The following PCDHGB7 variants were observed in gnomAD, a reference collection of about 807,000 sequenced individuals.
The protein encoded by PCDHGB7 is protocadherin gamma subfamily B, 7, also known as protocadherin gamma-B7.
PCDHGB7 carries 37 observed loss-of-function variants against 61.4 expected under a neutral mutation model. The observed-to-expected ratio is 0.60, with a 90% CI of 0.46 to 0.79. PCDHGB7 has a LOEUF of 0.79. Ranked by LOEUF, PCDHGB7 falls within the 30% of genes least tolerant of loss-of-function variation. PCDHGB7 has a pLI of 0.00. For missense variants in PCDHGB7, 1,166 were observed against 1,202.5 expected (o/e 0.97, Z 0.45); for synonymous variants, 464 against 503.5 (o/e 0.92, Z 1.05).
In PCDHGB7 at chr5:141,487,883, G is replaced by A; in HGVS notation, c.2416-6924G>A. ...GGTGATCAAGAGCCAGGCTGTTGTG[G>A]AAGCATGATGATGGAATGTGGGAGC... is the stretch of plus-strand genomic sequence containing the variant. On this transcript the variant is annotated intron_variant, in intron 1 of 3. Transcript: ENST00000398594. This position sits in a 1 kb window ranked among gnomAD's most constrained non-coding sequence, Gnocchi z 5.0. The A allele has an allele frequency of 1.3e-6, 1 of 766,586 alleles. No homozygotes were observed. The highest frequency in any genetic ancestry group is 1.8e-5 in the South Asian group (1 of 55,094). 47.5% of individuals were successfully genotyped at this position (766,586 alleles called of 1,614,324 possible).
At position 141,417,792 on chromosome 5, in the gene PCDHGB7, T is replaced by C; in HGVS notation, c.-68T>C. The C allele has an allele frequency of 6.7e-7, 1 of 1,483,216 alleles. No homozygotes were observed. Among genetic ancestry groups the C allele is most frequent in the South Asian group, 1.4e-5 (1 of 72,714 alleles). The allele number at this position is 1,483,216 out of a possible 1,614,324, so 91.9% of individuals were successfully genotyped here. On this transcript the variant is annotated 5_prime_UTR_variant, in exon 1 of 4. Transcript: ENST00000398594. ...TCCTCCTGTCCTGGGCCGAATGCTC[T>C]TTTAGCGCGGTAGAGTGCACTTTCT...
intron 2 of PCDHGB7, among the ~76,000 whole-genome samples, chr5:141,499,689 CTTTTTT>C (rs545067566): frequency 3.3e-5 from 4 of 119,854 alleles, no homozygotes; most frequent in Admixed American, 8.7e-5. Flanking sequence ...TAACAGATGA[CTTTTTT>C]TTTTTTTTTT....
chr5:141,432,120 A>G lies in PCDHGB7; in HGVS notation c.2415+11846A>G, dbSNP rs764363553. 12 of 1,613,978 alleles carry G rather than the reference A, an allele frequency of 7.4e-6. No homozygotes were observed. The highest frequency in any genetic ancestry group is 5.3e-5 in the African/African-American group (4 of 74,894). ...AACGACAACCCGCCGGTCTTCCCTCAGGCCTCCTATTCCGCTTATATCCCA... is the reference window on the plus strand; with the variant it reads ...AACGACAACCCGCCGGTCTTCCCTCGGGCCTCCTATTCCGCTTATATCCCA... On this transcript the variant is annotated intron_variant, in intron 1 of 3. Transcript: ENST00000398594. The surrounding 1 kb of genome is among the most constrained non-coding windows in gnomAD (Gnocchi z 6.0).
At position 141,432,651 on chromosome 5, in the gene PCDHGB7, C is replaced by A; in HGVS notation, c.2415+12377C>A. 2.5e-6 allele frequency: 4 copies of A among 1,613,824 alleles called. No individual in the cohort carries two copies. The highest frequency in any genetic ancestry group is 1.1e-5 in the South Asian group (1 of 91,058). ...ACGGGCGAGGTGCGCACGGCGCGAG[C>A]CCTGCTGGACAGAGACGCGCTCAAG... On this transcript the variant is annotated intron_variant, in intron 1 of 3. Coordinates refer to ENST00000398594, the MANE Select transcript of PCDHGB7 (RefSeq NM_018927.4). This position sits in a 1 kb window ranked among gnomAD's most constrained non-coding sequence, Gnocchi z 6.0.
chr5:141,417,940 C>G lies in PCDHGB7; in HGVS notation c.81C>G (p.Pro27=). 1.2e-6 allele frequency: 2 copies of G among 1,613,052 alleles called. No individual in the cohort carries two copies. The highest frequency in any genetic ancestry group is 1.7e-6 in the Non-Finnish European group (2 of 1,179,362). Residue 27 remains proline, a synonymous_variant, in exon 1 of 4, where the codon CCC becomes CCG. Transcript: ENST00000398594. ...LFPLLLPLFY[P]TLCEPIRYSI... ...CTTTGCTGCTGCCTTTGTTCTACCC[C>G]ACGCTGTGTGAGCCGATCCGCTACT...
intron 1 of PCDHGB7, chr5:141,423,398 G>C (rs767594062): frequency 6.8e-6 from 11 of 1,614,172 alleles, no homozygotes; most frequent in Non-Finnish European, 9.3e-6. Context: ...CATAAGTCAC[G>C]CCTGCTGCAG....
rs984222446 is a variant in PCDHGB7 at position 141,493,942 on chromosome 5, G to T, written c.2416-865G>T. ...ACACACCCCCTGGAAAGACCAGAAG[G>T]GACTCAGGAATGAAGTGGCTGGCCA... On this transcript the variant is annotated intron_variant, in intron 1 of 3. Transcript: ENST00000398594. The surrounding 1 kb of genome is among the most constrained non-coding windows in gnomAD (Gnocchi z 4.3). Among the ~76,000 whole-genome samples the T allele has an allele frequency of 1.3e-5, 2 of 152,168 alleles. No individual in the cohort carries two copies. Among genetic ancestry groups the T allele is most frequent in the Non-Finnish European group, 1.5e-5 (1 of 68,022 alleles).
intron 2 of PCDHGB7, among the ~76,000 whole-genome samples, chr5:141,497,539 C>A (rs2099777336): frequency 6.9e-6 from 1 of 145,274 alleles, no homozygotes; most frequent in African/African-American, 2.6e-5. Context: ...ATGCAACAAA[C>A]CTTTTTTTTT....
rs775416808 is a variant in PCDHGB7, at chr5:141,429,727, G to A, written c.2415+9453G>A. ...TAAATATTTACGCTCATGAAAGTAC[G>A]TAGCCAGTTATTTCTTAGGGAGAAT... On this transcript the variant is annotated intron_variant, in intron 1 of 3. Transcript: ENST00000398594. 7.2e-5 allele frequency among the ~76,000 whole-genome samples: 11 copies of A among 152,158 alleles called. 1 individual carries two copies. The highest frequency in any genetic ancestry group is 1.9e-4 in the East Asian group (1 of 5,188).
intron 1 of PCDHGB7, among the ~76,000 whole-genome samples, chr5:141,468,186 A>G (rs2099159540): frequency 6.6e-6 from 1 of 151,848 alleles, no homozygotes; most frequent in African/African-American, 2.4e-5. Context: ...TTTGCTGGGC[A>G]TGGTGGCGGG....
At chr5:141,467,693 G>C (rs543886467) in intron 1 of PCDHGB7, among the ~76,000 whole-genome samples, 49 of 152,108 alleles carry the variant, frequency 3.2e-4, no homozygotes, top group African/African-American at 1.1e-3. Flanking sequence ...ACAGGGTCTG[G>C]CTCTGTTGCC....
chr5:141,510,435 C>T (rs938448523), intron 3 of PCDHGB7, among the ~76,000 whole-genome samples: 2 of 152,108 alleles, frequency 1.3e-5, no homozygotes, highest in Non-Finnish European at 2.9e-5. Context: ...ATGGCTGCTG[C>T]CCTCCAGGAG....
chr5:141,470,652 C>T (rs923672818), intron 1 of PCDHGB7, among the ~76,000 whole-genome samples: 1 of 152,100 alleles, frequency 6.6e-6, no homozygotes, highest in African/African-American at 2.4e-5. Context: ...AAGGCCCCTA[C>T]CCTTTGGTTA....
At position 141,431,307 on chromosome 5, in the gene PCDHGB7, A is replaced by G. The variant is rs1332508283; in HGVS notation, c.2415+11033A>G. On this transcript the variant is annotated intron_variant, in intron 1 of 3. Transcript: ENST00000398594. This position sits in a 1 kb window ranked among gnomAD's most constrained non-coding sequence, Gnocchi z 4.8. ...AACACTCACTTCTCCCTCATCGTGC[A>G]AAATGGAGCCGACGGTAGTAAGTAC... 3.7e-6 allele frequency: 6 copies of G among 1,614,002 alleles called. No homozygotes were observed. The African/African-American group carries it at 4.0e-5, about 11-fold the overall frequency.
At chr5:141,446,595 GCCTCC>G (rs2098508132) in intron 1 of PCDHGB7, among the ~76,000 whole-genome samples, 2 of 152,012 alleles carry the variant, frequency 1.3e-5, no homozygotes, top group South Asian at 4.1e-4. Context: ...TTCTGCCTCA[GCCTCC>G]TGAGTAGCTG....
At position 141,489,302 on chromosome 5, in the gene PCDHGB7, T is replaced by C. The variant is rs1258736404; in HGVS notation, c.2416-5505T>C. 2 of 1,586,886 alleles carry C rather than the reference T, an allele frequency of 1.3e-6. No homozygotes were observed. The highest frequency in any genetic ancestry group is 2.3e-5 in the South Asian group (2 of 85,378). ...TGGCAAGTGCTGTGCATGTTGTCCT[T>C]GTGCTGCTGGGGCTGGGTGTCTGGG... On this transcript the variant is annotated intron_variant, in intron 1 of 3. Transcript: ENST00000398594. The surrounding 1 kb of genome is among the most constrained non-coding windows in gnomAD (Gnocchi z 4.5).
chr5:141,422,272 A>T, intron 1 of PCDHGB7: 13 of 1,561,362 alleles, frequency 8.3e-6, no homozygotes, highest in Non-Finnish European at 1.1e-5. Context: ...TCCAGAAATA[A>T]CTATCACCTC....
chr5:141,434,481 A>G (rs2097697198), intron 1 of PCDHGB7, among the ~76,000 whole-genome samples: 1 of 152,246 alleles, frequency 6.6e-6, no homozygotes, highest in Non-Finnish European at 1.5e-5. Context: ...GGCAAGGAAC[A>G]CCTGGCCCGC....
rs1356739313 is a variant in PCDHGB7, at chr5:141,490,444, A to T, written c.2416-4363A>T. The T allele has an allele frequency of 6.2e-7, 1 of 1,614,194 alleles. No individual in the cohort carries two copies. Among genetic ancestry groups the T allele is most frequent in the Non-Finnish European group, 8.5e-7 (1 of 1,180,034 alleles). On this transcript the variant is annotated intron_variant, in intron 1 of 3. Transcript: ENST00000398594. The surrounding 1 kb of genome is among the most constrained non-coding windows in gnomAD (Gnocchi z 5.4). ...GCCATTTCAGATTAAGCCTTCTGAG[A>T]ACCACTACTCGCTGCTAACCAGCCA...
Sources: allele counts gnomAD v4.1 joint callset (sites outside exome capture counted in the v4.1 genomes callset), GRCh38; gene constraint gnomAD v4.1.1; non-coding constraint Gnocchi (gnomAD v3.1); transcripts MANE v1.5; gene names NCBI Gene and HGNC (gene_info 2026-07-23, HGNC 2026-07-21).